Variants in CHMP1A observed in about 807,000 individuals in gnomAD.
The protein encoded by CHMP1A is VPS46 homolog A.
A neutral mutation model predicts 27.0 loss-of-function variants in CHMP1A; 17 were observed. The ratio of observed to expected loss-of-function variants is 0.63; its 90% CI spans 0.43 to 0.95. The LOEUF (loss-of-function observed/expected upper bound fraction) is 0.95, where lower values mean the gene tolerates loss of function less well. Among genes scored for constraint, CHMP1A ranks in the 40% least tolerant of loss-of-function variants. The probability of loss-of-function intolerance (pLI) is 0.00; values close to 1 mark genes in which losing one functional copy is unlikely to be tolerated. For synonymous variants in CHMP1A, 131 were observed against 107.5 expected (o/e 1.22, Z -1.35); for missense variants, 275 against 264.0 (o/e 1.04, Z -0.29).
chr16:89,651,274 G>A (rs1168036154), intron 3 of CHMP1A, among the ~76,000 whole-genome samples: 1 of 151,410 alleles, frequency 6.6e-6, no homozygotes, highest in Non-Finnish European at 1.5e-5. Flanking sequence ...GTGAGGCGAA[G>A]GCCCTAGAAT....
At chr16:89,651,209 C>T in intron 3 of CHMP1A, among the ~76,000 whole-genome samples, 1 of 152,076 alleles carries the variant, frequency 6.6e-6, no homozygotes, top group East Asian at 1.9e-4. Flanking sequence ...GAAACCCCAT[C>T]TCTACAAAAA....
In CHMP1A at chr16:89,645,869, C is replaced by A; in HGVS notation, c.*197G>T. 1 of 1,554,344 alleles carries A rather than the reference C, an allele frequency of 6.4e-7. No individual in the cohort carries two copies. The highest frequency in any genetic ancestry group is 8.7e-7 in the Non-Finnish European group (1 of 1,150,302). On this transcript the variant is annotated 3_prime_UTR_variant, in exon 7 of 7. Coordinates refer to ENST00000397901, the MANE Select transcript of CHMP1A (RefSeq NM_002768.5). Reference sequence around the variant, plus strand: ...CCCAGAAATTTGCAGAAACTCAACACCAGGACACAGACCCACCGCCCAACC... The same window carrying A: ...CCCAGAAATTTGCAGAAACTCAACAACAGGACACAGACCCACCGCCCAACC...
Position 89,644,743 on chromosome 16 carries a change from C to G in CHMP1A, c.*1323G>C, listed in dbSNP as rs930245694. 1 of 152,436 alleles carries G rather than the reference C, an allele frequency of 6.6e-6. No individual in the cohort carries two copies. The highest frequency in any genetic ancestry group is 1.5e-5 in the Non-Finnish European group (1 of 68,092). The allele number at this position is 152,436 out of a possible 1,614,324, so 9.4% of individuals were successfully genotyped here. A position where few individuals can be genotyped will look rare whatever the true frequency, so the allele number is the denominator to read the frequency against. On this transcript the variant is annotated 3_prime_UTR_variant, in exon 7 of 7. Coordinates refer to ENST00000397901, the MANE Select transcript of CHMP1A (RefSeq NM_002768.5). Reference sequence around the variant, plus strand: ...GAGCCCACGTCAGGGTCTCCACGTTCCTGCACGTAACACCCACGACACCAC... The same window carrying G: ...GAGCCCACGTCAGGGTCTCCACGTTGCTGCACGTAACACCCACGACACCAC...
At chr16:89,653,376 T>C (rs1038354271) in intron 2 of CHMP1A, among the ~76,000 whole-genome samples, 3 of 148,078 alleles carry the variant, frequency 2.0e-5, no homozygotes, top group Non-Finnish European at 4.5e-5. Context: ...ATCCCAGCAC[T>C]TTAGGAGGCC....
Position 89,657,475 on chromosome 16 carries a change from G to C in CHMP1A, c.7+107C>G. ...CGGGGGATCGACGGTCGAGGCCCGA[G>C]CTCTCCTGAGTCCTGCCCGCGGCCC... On this transcript the variant is annotated intron_variant, in intron 1 of 6. Transcript: ENST00000397901. 2.1e-6 allele frequency: 3 copies of C among 1,417,384 alleles called. No individual in the cohort carries two copies. In the South Asian group the frequency reaches 3.7e-5, roughly 17 times the overall value. The allele number at this position is 1,417,384 out of a possible 1,614,324, so 87.8% of individuals were successfully genotyped here. A position where few individuals can be genotyped will look rare whatever the true frequency, so the allele number is the denominator to read the frequency against.
chr16:89,647,180 C>A, intron 5 of CHMP1A, 23 bp downstream of exon 5: 1 of 1,605,868 alleles, frequency 6.2e-7, no homozygotes, highest in Non-Finnish European at 8.5e-7. Flanking sequence ...CAGGCCACAG[C>A]CCCAAGGGTA....
In CHMP1A at chr16:89,657,570, G is replaced by C. The variant is rs1212638455; in HGVS notation, c.7+12C>G. 1 of 1,610,850 alleles carries C rather than the reference G, an allele frequency of 6.2e-7. No individual in the cohort carries two copies. Among genetic ancestry groups the C allele is most frequent in the Admixed American group, 1.7e-5 (1 of 59,938 alleles). On this transcript the variant is annotated intron_variant, in intron 1 of 6. Coordinates refer to ENST00000397901, the MANE Select transcript of CHMP1A (RefSeq NM_002768.5). The stretch of plus-strand genomic sequence containing the variant: ...GCGCGCGAGTCCCCGGAGGACGGCC[G>C]CGACCTCTTACCGTCCATGGCCACA...
Position 89,646,080 on chromosome 16 carries a change from C to G in CHMP1A, c.577G>C (p.Ala193Pro). Residue 193 changes from alanine (A) to proline (P), a missense_variant, in exon 7 of 7, where the codon GCC (alanine) becomes CCC (proline). By Grantham distance (27) the Ala-to-Pro change is conservative (BLOSUM62 -1). Coordinates refer to ENST00000397901, the MANE Select transcript of CHMP1A (RefSeq NM_002768.5). ...QEDQLSRRLA[A>P]LRN is the part of the protein sequence containing the mutation. ...GCGGGGCACGGCTAGTTCCTCAAGG[C>G]GGCCAACCTGGAAACCAACAACAGG... The G allele has an allele frequency of 6.5e-7, 1 of 1,544,604 alleles. No individual in the cohort carries two copies. The highest frequency in any genetic ancestry group is 8.7e-7 in the Non-Finnish European group (1 of 1,146,104).
chr16:89,645,774 A>T lies in CHMP1A; in HGVS notation c.*292T>A. The T allele has an allele frequency of 1.3e-6, 1 of 742,450 alleles. No homozygotes were observed. Among genetic ancestry groups the T allele is most frequent in the African/African-American group, 1.8e-5 (1 of 55,180 alleles). 46.0% of individuals were successfully genotyped at this position (742,450 alleles called of 1,614,324 possible). ...TGCCCCAGAGTCTGAAGGCCCCCAC[A>T]GTGCTGGGTGAAAGTCCACAGGGCC... On this transcript the variant is annotated 3_prime_UTR_variant, in exon 7 of 7. Transcript: ENST00000397901.
intron 5 of CHMP1A, 146 bp downstream of exon 5, chr16:89,647,057 C>A (rs2059780147): frequency 6.5e-7 from 1 of 1,532,270 alleles, no homozygotes; most frequent in East Asian, 2.5e-5. Context: ...TGGCAGGGAC[C>A]CAGCACAGAG....
intron 3 of CHMP1A, among the ~76,000 whole-genome samples, chr16:89,651,019 C>A (rs2059819544): frequency 6.6e-6 from 1 of 152,142 alleles, no homozygotes; most frequent in African/African-American, 2.4e-5. Flanking sequence ...CCACACACAG[C>A]ACCTCCCTTC....
intron 4 of CHMP1A, among the ~76,000 whole-genome samples, chr16:89,647,640 C>T (rs1250124271): frequency 2.8e-5 from 2 of 72,080 alleles, no homozygotes; most frequent in African/African-American, 4.2e-5. Context: ...AAAAGGCCGC[C>T]GACGTGGGGA....
chr16:89,646,992 G>A, intron 5 of CHMP1A: 2 of 1,476,360 alleles, frequency 1.4e-6, no homozygotes, highest in Non-Finnish European at 1.8e-6. Context: ...CCCACAAGGA[G>A]CCAGGTGCCT....
Position 89,647,595 on chromosome 16 carries a change from C to G in CHMP1A, c.253-264G>C, listed in dbSNP as rs374427559. ...AGTGCGGGGTCAGTGGAGAAAAGGC[C>G]GCCGACGTGGAGACCCAGTGCGGGG... On this transcript the variant is annotated intron_variant, in intron 4 of 6. Transcript: ENST00000397901. 1.8e-3 allele frequency among the ~76,000 whole-genome samples: 227 copies of G among 126,218 alleles called. 1 individual carries two copies. The highest frequency in any genetic ancestry group is 1.0e-2 in the East Asian group (42 of 4,206). 82.8% of individuals were successfully genotyped at this position (126,218 alleles called of 152,430 possible). A position where few individuals can be genotyped will look rare whatever the true frequency, so the allele number is the denominator to read the frequency against.
chr16:89,647,118 C>T, intron 5 of CHMP1A, 85 bp downstream of exon 5: 2 of 1,554,048 alleles, frequency 1.3e-6, no homozygotes, highest in South Asian at 2.4e-5. Context: ...GACAGCACGT[C>T]AGCCTGTGAG....
At position 89,645,602 on chromosome 16, in the gene CHMP1A, A is replaced by T; in HGVS notation, c.*464T>A. The stretch of plus-strand genomic sequence containing the variant: ...GGTGGCACCTGACATCCCCCAGCAC[A>T]CATAGACCTGTGGTGCCTCCTTGGG... On this transcript the variant is annotated 3_prime_UTR_variant, in exon 7 of 7. Coordinates refer to ENST00000397901, the MANE Select transcript of CHMP1A (RefSeq NM_002768.5). 5 of 272,890 alleles carry T rather than the reference A, an allele frequency of 1.8e-5. No homozygotes were observed. Among genetic ancestry groups the T allele is most frequent in the South Asian group, 3.2e-5 (1 of 31,060 alleles). The allele number at this position is 272,890 out of a possible 1,614,324, so 16.9% of individuals were successfully genotyped here.
intron 1 of CHMP1A, 147 bp downstream of exon 1, chr16:89,657,435 C>T (rs2059893059): frequency 1.1e-6 from 1 of 945,162 alleles, no homozygotes; most frequent in African/African-American, 1.8e-5. Context: ...GGTCGAGGCC[C>T]TGGGGATGGG....
chr16:89,646,584 C>G lies in CHMP1A; in HGVS notation c.512G>C (p.Gly171Ala). The G allele has an allele frequency of 6.3e-7, 1 of 1,598,942 alleles. No individual in the cohort carries two copies. Among genetic ancestry groups the G allele is most frequent in the Non-Finnish European group, 8.5e-7 (1 of 1,174,126 alleles). The change falls in exon 6 of 7, where the codon GGC becomes GCC. Residue 171 changes from glycine to alanine, a missense_variant. Gly to Ala is a moderately conservative substitution (Grantham distance 60). Transcript: ENST00000397901. ...VLDQLSQLPE[G>A]ASAVGESSVR... ...AGAGCTCTCGCCCACGGCAGAGGCG[C>G]CCTCGGGCAGCTGGCTGAGCTGGTC... is the stretch of plus-strand genomic sequence containing the variant.
chr16:89,646,199 G>A, intron 6 of CHMP1A, 112 bp from the exon 7 acceptor site: 4 of 995,812 alleles, frequency 4.0e-6, no homozygotes, highest in Non-Finnish European at 5.9e-6. Context: ...GATAACATGA[G>A]TGACAGGCCT....
Sources: gnomAD v4.1 joint callset for allele counts (sites outside exome capture counted in the v4.1 genomes callset) on GRCh38, gnomAD v4.1.1 for gene constraint, MANE v1.5 for transcripts, NCBI Gene and HGNC (gene_info 2026-07-23, HGNC 2026-07-21) for gene names.